SRP19: variants seen among roughly 807,000 people sequenced by gnomAD.
SRP19 encodes the protein signal recognition particle 19 kDa protein.
SRP19 carries 11 observed loss-of-function variants against 22.4 expected under a neutral mutation model. The ratio of observed to expected loss-of-function variants is 0.49; its 90% CI spans 0.31 to 0.81. The LOEUF is 0.81. SRP19 is among the 40% of genes least tolerant of loss of function. The probability of loss-of-function intolerance (pLI) is 0.05; values close to 1 mark genes in which losing one functional copy is unlikely to be tolerated. For missense variants in SRP19, 168 were observed against 175.9 expected (o/e 0.96, Z 0.25); for synonymous variants, 61 against 57.6 (o/e 1.06, Z -0.27).
chr5:112,893,111 AAAAAAAG>A, downstream of SRP19: 2 of 988,822 alleles, frequency 2.0e-6, no homozygotes, highest in Non-Finnish European at 1.5e-6. Context: ...AAAAAAAAAA[AAAAAAAG>A]AATGGACCAG....
At chr5:112,897,299 T>G (rs1191337366), downstream of SRP19, 1 of 151,638 alleles carries the variant, frequency 6.6e-6, no homozygotes, top group Non-Finnish European at 1.5e-5. Context: ...AAGACTACTC[T>G]AAGATGTAGG....
Position 112,868,012 on chromosome 5 carries a change from CTG to C in SRP19, c.*478_*479del, listed in dbSNP as rs1219294952. ...AGTGTGAGGCTAAAACTAGAAGAAA[CTG>C]TGGTAGGTCCTTTTGTGGGTGGGGG... is the stretch of plus-strand genomic sequence containing the variant. On this transcript the variant is annotated 3_prime_UTR_variant, in exon 5 of 5. Coordinates refer to ENST00000505459, the MANE Select transcript of SRP19 (RefSeq NM_003135.3). 2.0e-6 allele frequency: 2 copies of C among 986,152 alleles called. No homozygotes were observed. Among genetic ancestry groups the C allele is most frequent in the Non-Finnish European group, 2.4e-6 (2 of 830,498 alleles). The allele number at this position is 986,152 out of a possible 1,614,324, so 61.1% of individuals were successfully genotyped here. A position where few individuals can be genotyped will look rare whatever the true frequency, so the allele number is the denominator to read the frequency against.
intron 4 of SRP19, among the ~76,000 whole-genome samples, chr5:112,880,455 G>C (rs1479719305): frequency 6.6e-6 from 1 of 151,258 alleles, no homozygotes; most frequent in Non-Finnish European, 1.5e-5. Context: ...TTAGTGATGA[G>C]AGCCAAGGAG....
At chr5:112,880,230 C>T (rs1768028211) in intron 4 of SRP19, among the ~76,000 whole-genome samples, 1 of 152,044 alleles carries the variant, frequency 6.6e-6, no homozygotes, top group Non-Finnish European at 1.5e-5. Context: ...GGCCAAAACA[C>T]AGTGAGAGCC....
chr5:112,879,930 TA>T (rs1242923857), intron 4 of SRP19, among the ~76,000 whole-genome samples: 1 of 151,956 alleles, frequency 6.6e-6, no homozygotes, highest in African/African-American at 2.4e-5. Flanking sequence ...ACCTCTATTT[TA>T]AAAAAATTTT....
chr5:112,862,413 G>T, intron 1 of SRP19, 95 bp from the exon 2 acceptor site: 2 of 984,854 alleles, frequency 2.0e-6, no homozygotes, highest in South Asian at 2.6e-5. Flanking sequence ...TGATATCTAG[G>T]CAGCATGAAT....
At chr5:112,880,301 C>T (rs1768030323) in intron 4 of SRP19, among the ~76,000 whole-genome samples, 1 of 152,146 alleles carries the variant, frequency 6.6e-6, no homozygotes, top group Non-Finnish European at 1.5e-5. Context: ...CCAAGCCTTC[C>T]ACTTTCTAAT....
At chr5:112,870,304 T>C (rs149142888), downstream of SRP19, among the ~76,000 whole-genome samples, 129 of 152,030 alleles carry the variant, frequency 8.5e-4, 1 homozygote, top group East Asian at 0.024. Flanking sequence ...CTGGGCAACA[T>C]AGTGAGACTG....
At chr5:112,871,100 G>A (rs1344695017), downstream of SRP19, among the ~76,000 whole-genome samples, 2 of 152,018 alleles carry the variant, frequency 1.3e-5, no homozygotes, top group African/African-American at 4.8e-5. Flanking sequence ...GATACACCAC[G>A]CCCAGCCAAT....
At chr5:112,892,389 C>T (rs1188679463) in exon 5 of SRP19, 10 of 1,613,930 alleles carry the variant, frequency 6.2e-6, no homozygotes, top group South Asian at 3.3e-5. Context: ...ATGTGTTGCC[C>T]GAGTTCAAGA....
chr5:112,892,578 A>C (rs1768512026), exon 5 of SRP19: 1 of 1,614,180 alleles, frequency 6.2e-7, no homozygotes, highest in Non-Finnish European at 8.5e-7. Flanking sequence ...CCCGGTGGAA[A>C]ATGGCGATTT....
intron 4 of SRP19, among the ~76,000 whole-genome samples, chr5:112,890,115 C>A (rs1293312173): frequency 6.7e-6 from 1 of 150,328 alleles, no homozygotes; most frequent in Non-Finnish European, 1.5e-5. Context: ...GCGTGAGCCA[C>A]CGCACCCGGC....
At chr5:112,863,558 G>A (rs1372222229) in intron 2 of SRP19, among the ~76,000 whole-genome samples, 1 of 152,176 alleles carries the variant, frequency 6.6e-6, no homozygotes, top group African/African-American at 2.4e-5. Flanking sequence ...TTGTGTGTGG[G>A]TAGGGGTAGG....
downstream of SRP19, chr5:112,894,661 GAGC>G (rs2150041402): frequency 6.6e-6 from 1 of 152,290 alleles, no homozygotes; most frequent in South Asian, 2.1e-4. Context: ...ACTATTTGGA[GAGC>G]AGCAAGTGTT....
intron 4 of SRP19, among the ~76,000 whole-genome samples, chr5:112,875,487 T>G (rs1429989787): frequency 6.6e-6 from 1 of 151,234 alleles, no homozygotes; most frequent in African/African-American, 2.4e-5. Context: ...CACCTCAGCC[T>G]CCTGAGGAGC....
chr5:112,874,093 G>C (rs1042113598), downstream of SRP19, among the ~76,000 whole-genome samples: 3 of 152,210 alleles, frequency 2.0e-5, no homozygotes, highest in African/African-American at 7.2e-5. Context: ...TTGAGCCCAG[G>C]AAATTGAGGC....
downstream of SRP19, among the ~76,000 whole-genome samples, chr5:112,872,831 G>A (rs969579144): frequency 6.6e-6 from 1 of 152,060 alleles, no homozygotes; most frequent in African/African-American, 2.4e-5. Context: ...TTGTTCTCAG[G>A]ATCTTCCCCA....
At chr5:112,873,832 C>G (rs555194110), downstream of SRP19, among the ~76,000 whole-genome samples, 138 of 151,620 alleles carry the variant, frequency 9.1e-4, no homozygotes, top group Non-Finnish European at 1.6e-3. Context: ...GTTTCGGTTG[C>G]TGGTTTTTAA....
intron 4 of SRP19, among the ~76,000 whole-genome samples, chr5:112,887,860 A>G (rs950427564): frequency 6.6e-6 from 1 of 152,150 alleles, no homozygotes; most frequent in African/African-American, 2.4e-5. Flanking sequence ...TGTCCAAAAA[A>G]TTTTTACTGT....
Sources: allele counts gnomAD v4.1 joint callset (sites outside exome capture counted in the v4.1 genomes callset), GRCh38; gene constraint gnomAD v4.1.1; transcripts MANE v1.5; gene names NCBI Gene and HGNC (gene_info 2026-07-23, HGNC 2026-07-21).